Variants in CDYL observed in about 807,000 individuals in gnomAD.
CDYL encodes chromodomain Y-like protein.
In CDYL, 8 loss-of-function variants were observed where a neutral mutation model predicts 47.3. The ratio of observed to expected loss-of-function variants is 0.17; its 90% CI spans 0.10 to 0.31. The LOEUF (loss-of-function observed/expected upper bound fraction) is 0.31. CDYL is among the 10% of genes least tolerant of loss of function. The pLI is 1.00. For missense variants in CDYL, 471 were observed against 701.4 expected (o/e 0.67, Z 3.71); for synonymous variants, 266 against 265.0 (o/e 1.00, Z -0.04).
At chr6:4,710,880 G>A (rs1256203035) in intron 1 of CDYL, among the ~76,000 whole-genome samples, 3 of 151,108 alleles carry the variant, frequency 2.0e-5, no homozygotes, top group South Asian at 2.1e-4. Context: ...ATTGAATGCT[G>A]GAAATTGGCA....
chr6:4,771,522 C>G (rs538721605), upstream of CDYL, among the ~76,000 whole-genome samples: 12 of 152,314 alleles, frequency 7.9e-5, no homozygotes, highest in African/African-American at 2.4e-4. Context: ...GAAAAAAAAT[C>G]AAGCCCCACT....
At chr6:4,720,838 T>C (rs182793473) in intron 2 of CDYL, among the ~76,000 whole-genome samples, 1 of 152,320 alleles carries the variant, frequency 6.6e-6, no homozygotes, top group East Asian at 1.9e-4. Context: ...TTTAACCCAA[T>C]TAAATTTCCT....
intron 1 of CDYL, among the ~76,000 whole-genome samples, chr6:4,853,751 A>G (rs115640302): frequency 0.022 from 3,373 of 152,340 alleles, 126 homozygotes; most frequent in African/African-American, 0.076. Flanking sequence ...GATAGAGCCC[A>G]TCACCGTTTG....
intron 1 of CDYL, among the ~76,000 whole-genome samples, chr6:4,874,972 T>G (rs986137681): frequency 2.6e-5 from 4 of 152,220 alleles, no homozygotes; most frequent in African/African-American, 9.6e-5. Context: ...ATTCCGTTTC[T>G]GGTTCTTATG....
intron 1 of CDYL, among the ~76,000 whole-genome samples, chr6:4,792,770 C>T (rs1160727245): frequency 2.0e-5 from 3 of 152,110 alleles, no homozygotes; most frequent in Non-Finnish European, 4.4e-5. Flanking sequence ...GAAATCCTTC[C>T]TACCCCAAGA....
chr6:4,908,984 G>T (rs1198957774), intron 2 of CDYL, among the ~76,000 whole-genome samples: 3 of 152,220 alleles, frequency 2.0e-5, no homozygotes, highest in Admixed American at 2.0e-4. Flanking sequence ...GGATTTAAAA[G>T]TTTCCATGTT....
rs569883537 is a variant in CDYL, at chr6:4,838,578, T to G, written c.25-53135T>G. Among the ~76,000 whole-genome samples, 42 of 152,358 alleles carry G rather than the reference T, an allele frequency of 2.8e-4. 1 individual carries two copies. The Middle Eastern group carries it at 0.027, about 99-fold the overall frequency. On this transcript the variant is annotated intron_variant, in intron 1 of 6. Transcript: ENST00000397588. ...GATAAGTATTTGGCTGGTTCCATGTTTTTGCAATTGCAAATATAAACGTGT... is the reference window on the plus strand; with the variant it reads ...GATAAGTATTTGGCTGGTTCCATGTGTTTGCAATTGCAAATATAAACGTGT...
At chr6:4,732,060 C>T (rs748775129) in intron 2 of CDYL, among the ~76,000 whole-genome samples, 38 of 152,082 alleles carry the variant, frequency 2.5e-4, no homozygotes, top group Non-Finnish European at 3.8e-4. Context: ...AATGACTGGG[C>T]ATGGTGGTCC....
chr6:4,775,717 G>A (rs1581158073), upstream of CDYL, among the ~76,000 whole-genome samples: 1 of 148,074 alleles, frequency 6.8e-6, no homozygotes, highest in Non-Finnish European at 1.5e-5. This position sits in a 1 kb window ranked among gnomAD's most constrained non-coding sequence, Gnocchi z 7.0. Context: ...AGCTCGCCGG[G>A]CCACCCCGCG....
chr6:4,901,777 A>G (rs1757062673), intron 2 of CDYL, among the ~76,000 whole-genome samples: 2 of 152,304 alleles, frequency 1.3e-5, no homozygotes, highest in Admixed American at 6.5e-5. Flanking sequence ...CAGTGGCTTA[A>G]ACATACAAGC....
chr6:4,920,995 C>CTGTGTGTGTGTG lies in CDYL; in HGVS notation c.692-14512_692-14501dup, dbSNP rs112009340. On this transcript the variant is annotated intron_variant, in intron 2 of 6. Coordinates refer to ENST00000397588, the MANE Select transcript of CDYL (RefSeq NM_004824.4). ...CAGTAACTGCACCAGCATGATACAT[C>CTGTGTGTGTGTG]TGTGTGTGTGTGTGTGTGTATGTGT... Among the ~76,000 whole-genome samples the CTGTGTGTGTGTG allele has an allele frequency of 8.1e-3, 1,225 of 150,784 alleles. 10 individuals carry two copies. Among genetic ancestry groups the CTGTGTGTGTGTG allele is most frequent in the Non-Finnish European group, 0.013 (871 of 67,572 alleles).
rs1312070788 is a variant in CDYL, at chr6:4,894,941, G to GTGTGTATA, written c.691+2565_691+2566insGTATATGT. Among the ~76,000 whole-genome samples the GTGTGTATA allele has an allele frequency of 1.8e-3, 26 of 14,284 alleles. No homozygotes were observed. The Non-Finnish European group carries it at 0.031, about 17-fold the overall frequency. 9.4% of individuals were successfully genotyped at this position (14,284 alleles called of 152,430 possible). On this transcript the variant is annotated intron_variant, in intron 2 of 6. Transcript: ENST00000397588. ...TATACACATATGTATGTGTGTATAT[G>GTGTGTATA]TGTATGCATGTGTATATATACGTAT... is the stretch of plus-strand genomic sequence containing the variant.
intron 3 of CDYL, among the ~76,000 whole-genome samples, chr6:4,747,059 A>G (rs1349285628): frequency 6.6e-6 from 1 of 152,196 alleles, no homozygotes; most frequent in Non-Finnish European, 1.5e-5. Context: ...CTGTAATCCC[A>G]GCACTTTGGG....
At chr6:4,724,213 GTA>G (rs1398263349) in intron 2 of CDYL, among the ~76,000 whole-genome samples, 1 of 147,380 alleles carries the variant, frequency 6.8e-6, no homozygotes, top group Non-Finnish European at 1.5e-5. Flanking sequence ...GCTAATTTTT[GTA>G]TTTTTTTTTT....
chr6:4,849,566 C>T (rs954062277), intron 1 of CDYL, among the ~76,000 whole-genome samples: 2 of 149,866 alleles, frequency 1.3e-5, no homozygotes, highest in African/African-American at 4.9e-5. Flanking sequence ...AAAATAAGTG[C>T]TCTTACTTTC....
At chr6:4,766,897 G>A (rs1314005012) in intron 3 of CDYL, among the ~76,000 whole-genome samples, 4 of 151,990 alleles carry the variant, frequency 2.6e-5, no homozygotes, top group African/African-American at 9.7e-5. Flanking sequence ...GCTACTTGGG[G>A]GGAGCTGATG....
intron 1 of CDYL, among the ~76,000 whole-genome samples, chr6:4,884,708 G>A (rs1761855839): frequency 6.6e-6 from 1 of 152,202 alleles, no homozygotes; most frequent in South Asian, 2.1e-4. Context: ...ATGTGGGCAG[G>A]CATGCCCATT....
At chr6:4,724,142 A>G (rs902687776) in intron 2 of CDYL, among the ~76,000 whole-genome samples, 12 of 152,154 alleles carry the variant, frequency 7.9e-5, no homozygotes, top group African/African-American at 2.4e-4. Flanking sequence ...CTGGGTTCAA[A>G]TGATTCTCCT....
At chr6:4,724,030 A>G (rs775440529) in intron 2 of CDYL, among the ~76,000 whole-genome samples, 12 of 152,106 alleles carry the variant, frequency 7.9e-5, no homozygotes, top group Non-Finnish European at 1.5e-4. Flanking sequence ...TGAGTCCTGC[A>G]TCTGTCCCCT....
Sources: gnomAD v4.1 joint callset for allele counts (sites outside exome capture counted in the v4.1 genomes callset) on GRCh38, gnomAD v4.1.1 for gene constraint, Gnocchi (gnomAD v3.1) non-coding constraint, MANE v1.5 for transcripts, NCBI Gene and HGNC (gene_info 2026-07-23, HGNC 2026-07-21) for gene names.